The following PCSK9 variants were observed in gnomAD, a reference collection of about 807,000 sequenced individuals.
PCSK9 encodes the protein proprotein convertase subtilisin/kexin type 9.
A neutral mutation model predicts 62.1 loss-of-function variants in PCSK9; 57 were observed. That is an observed-to-expected ratio of 0.92 (90% confidence interval 0.74 to 1.14). PCSK9 has a LOEUF of 1.14. PCSK9 is among the 50% of genes most tolerant of loss of function. The pLI is 0.00. For missense variants in PCSK9, 870 were observed against 959.8 expected, an observed-to-expected ratio of 0.91 and a Z score of 1.24; for synonymous variants, 387 against 409.4, an observed-to-expected ratio of 0.95 and a Z score of 0.66.
chr1:55,040,551 CAG>C lies in PCSK9; in HGVS notation c.207+508_207+509del, dbSNP rs1644591657. 6.6e-6 allele frequency among the ~76,000 whole-genome samples: 1 copy of C among 152,016 alleles called. No individual in the cohort carries two copies. Among genetic ancestry groups the C allele is most frequent in the African/African-American group, 2.4e-5 (1 of 41,392 alleles). ...CCTGGAGAGAAGGCCCTACCCGAGACAGGGGCGGGGTGGGAAGGACGGCAGAT... is the reference window on the plus strand; with the variant it reads ...CCTGGAGAGAAGGCCCTACCCGAGACGGGCGGGGTGGGAAGGACGGCAGAT... On this transcript the variant is annotated intron_variant, in intron 1 of 11. Coordinates refer to ENST00000302118, the MANE Select transcript of PCSK9 (RefSeq NM_174936.4). This position sits in a 1 kb window ranked among gnomAD's most constrained non-coding sequence, Gnocchi z 4.1.
chr1:55,061,597 G>A, intron 11 of PCSK9, 41 bp downstream of exon 11: 1 of 1,555,990 alleles, frequency 6.4e-7, no homozygotes, highest in Non-Finnish European at 8.7e-7. Flanking sequence ...GGTGCTGCGT[G>A]TCTCTCCTGC....
rs1258782954 is a variant in PCSK9, at chr1:55,043,717, C to T, written c.208-126C>T. ...CTTTTTGGTCCGCATTTGGTAACTT[C>T]TTTATCATCTACTATACTCTGTTGT... is the stretch of plus-strand genomic sequence containing the variant. On this transcript the variant is annotated intron_variant, in intron 1 of 11. Transcript: ENST00000302118. 5 of 1,179,292 alleles carry T rather than the reference C, an allele frequency of 4.2e-6. No individual in the cohort carries two copies. The East Asian group carries it at 1.3e-4, about 30-fold the overall frequency. 73.1% of individuals were successfully genotyped at this position (1,179,292 alleles called of 1,614,324 possible). A position where few individuals can be genotyped will look rare whatever the true frequency, so the allele number is the denominator to read the frequency against.
In PCSK9 at chr1:55,063,645, G is replaced by C; in HGVS notation, c.*61G>C. On this transcript the variant is annotated 3_prime_UTR_variant, in exon 12 of 12. Coordinates refer to ENST00000302118, the MANE Select transcript of PCSK9 (RefSeq NM_174936.4). ...AAGGGCTGGGGCTGAGCTTTAAAAT[G>C]GTTCCGACTTGTCCCTCTCTCAGCC... 5 of 1,535,814 alleles carry C rather than the reference G, an allele frequency of 3.3e-6. No homozygotes were observed. Among genetic ancestry groups the C allele is most frequent in the Non-Finnish European group, 1.8e-6 (2 of 1,135,052 alleles).
In PCSK9 at chr1:55,051,301, G is replaced by A. The variant is rs1188571099; in HGVS notation, c.524-977G>A. On this transcript the variant is annotated intron_variant, in intron 3 of 11. Coordinates refer to ENST00000302118, the MANE Select transcript of PCSK9 (RefSeq NM_174936.4). ...AGTTTGACTGACAGCCCAGAGGGCT[G>A]CCCTCTGATTCCACCTGAGGCCCTG... 12 of 428,868 alleles carry A rather than the reference G, an allele frequency of 2.8e-5. No homozygotes were observed. The East Asian group carries it at 7.9e-4, about 28-fold the overall frequency. The allele number at this position is 428,868 out of a possible 1,614,324, so 26.6% of individuals were successfully genotyped here. A position where few individuals can be genotyped will look rare whatever the true frequency, so the allele number is the denominator to read the frequency against.
chr1:55,056,394 A>G (rs953527087), intron 6 of PCSK9, among the ~76,000 whole-genome samples: 3 of 152,024 alleles, frequency 2.0e-5, no homozygotes, highest in African/African-American at 4.8e-5. Flanking sequence ...CGAAACCTCC[A>G]TCATCGCAGA....
intron 3 of PCSK9, among the ~76,000 whole-genome samples, chr1:55,047,502 G>A (rs1309842771): frequency 2.0e-5 from 3 of 152,144 alleles, no homozygotes; most frequent in Non-Finnish European, 2.9e-5. Flanking sequence ...GAGCTTTGTC[G>A]TTCTTGTCTG....
Position 55,061,568 on chromosome 1 carries a change from C to T in PCSK9, c.1863+12C>T, listed in dbSNP as rs776658758. Reference sequence around the variant, plus strand: ...CCCCTCAGGAGCAGGTGAAGAGGCCCGTGAGGCCGGGTGGGTGGGGTGCTG... The same window carrying T: ...CCCCTCAGGAGCAGGTGAAGAGGCCTGTGAGGCCGGGTGGGTGGGGTGCTG... On this transcript the variant is annotated intron_variant, in intron 11 of 11. Coordinates refer to ENST00000302118, the MANE Select transcript of PCSK9 (RefSeq NM_174936.4). 29 of 1,583,518 alleles carry T rather than the reference C, an allele frequency of 1.8e-5. No homozygotes were observed. Among genetic ancestry groups the T allele is most frequent in the African/African-American group, 1.1e-4 (8 of 74,396 alleles).
rs1041064055 is a variant in PCSK9 at position 55,040,123 on chromosome 1, T to A, written c.207+79T>A. ...TGCTGTTTCCTCTCGGGCCTCAGTT[T>A]CCCCCCATGTAAGAGAGGAAGTGGA... is the stretch of plus-strand genomic sequence containing the variant. On this transcript the variant is annotated intron_variant, in intron 1 of 11. Transcript: ENST00000302118. The surrounding 1 kb of genome is among the most constrained non-coding windows in gnomAD (Gnocchi z 4.1). 2.0e-6 allele frequency: 3 copies of A among 1,499,780 alleles called. No homozygotes were observed. Among genetic ancestry groups the A allele is most frequent in the Admixed American group, 4.0e-5 (2 of 50,504 alleles). 92.9% of individuals were successfully genotyped at this position (1,499,780 alleles called of 1,614,324 possible).
rs1644733927 is a variant in PCSK9 at position 55,058,553 on chromosome 1, T to G, written c.1409T>G (p.Met470Arg). The G allele has an allele frequency of 6.2e-7, 1 of 1,612,020 alleles. No homozygotes were observed. Among genetic ancestry groups the G allele is most frequent in the African/African-American group, 1.3e-5 (1 of 74,850 alleles). The change falls in exon 9 of 12, where the codon ATG becomes AGG. Residue 470 changes from methionine to arginine, a missense_variant. Coordinates refer to ENST00000302118, the MANE Select transcript of PCSK9 (RefSeq NM_174936.4). ...VWSAHSGPTR[M>R]ATAVARCAPD... ...TCAGCACACTCGGGGCCTACACGGA[T>G]GGCCACAGCCGTCGCCCGCTGCGCC... is the stretch of plus-strand genomic sequence containing the variant.
In PCSK9 at chr1:55,056,206, C is replaced by T. The variant is rs894815360; in HGVS notation, c.996+17C>T. On this transcript the variant is annotated intron_variant, in intron 6 of 11. Coordinates refer to ENST00000302118, the MANE Select transcript of PCSK9 (RefSeq NM_174936.4). ...GCTCCCGAGGTAGGTGCTGGGGCTG[C>T]TGCCCCAAGGCGCGGGTAGGGGGCG... The T allele has an allele frequency of 2.0e-6, 2 of 994,402 alleles. No homozygotes were observed. The highest frequency in any genetic ancestry group is 2.4e-6 in the Non-Finnish European group (2 of 835,310). The allele number at this position is 994,402 out of a possible 1,614,324, so 61.6% of individuals were successfully genotyped here. A position where few individuals can be genotyped will look rare whatever the true frequency, so the allele number is the denominator to read the frequency against.
Position 55,046,527 on chromosome 1 carries a change from T to G in PCSK9, c.404T>G (p.Leu135Trp). The G allele has an allele frequency of 6.2e-7, 1 of 1,614,172 alleles. No individual in the cohort carries two copies. Among genetic ancestry groups the G allele is most frequent in the Non-Finnish European group, 8.5e-7 (1 of 1,180,042 alleles). The change falls in exon 3 of 12, where the codon TTG becomes TGG. Residue 135 changes from leucine to tryptophan, a missense_variant. By Grantham distance (61) the Leu-to-Trp change is moderately conservative. Coordinates refer to ENST00000302118, the MANE Select transcript of PCSK9 (RefSeq NM_174936.4). ...CGGCCTCTCTGGCTTCTGCAGGCCT[T>G]GAAGTTGCCCCATGTCGACTACATC... ...KMSGDLLELA[L>W]KLPHVDYIEE...
chr1:55,052,469 G>A (rs1195699723), intron 4 of PCSK9, 58 bp downstream of exon 4: 2 of 1,612,318 alleles, frequency 1.2e-6, no homozygotes, highest in Non-Finnish European at 1.7e-6. Flanking sequence ...TCCTGGAGGT[G>A]GGTGGGGACT....
chr1:55,055,679 C>T (rs11808052), intron 5 of PCSK9, among the ~76,000 whole-genome samples: 5,555 of 152,276 alleles, frequency 0.036, 122 homozygotes, highest in Middle Eastern at 0.16. Context: ...TGTTGCAATA[C>T]TGAGTCCTAA....
chr1:55,060,796 C>T (rs28362274), intron 10 of PCSK9, among the ~76,000 whole-genome samples: 327 of 152,334 alleles, frequency 2.1e-3, no homozygotes, highest in African/African-American at 7.6e-3. Flanking sequence ...ACAACCCTAC[C>T]ATGTTCAGAG....
chr1:55,045,383 C>G (rs546354834), intron 2 of PCSK9, among the ~76,000 whole-genome samples: 6 of 152,268 alleles, frequency 3.9e-5, no homozygotes, highest in African/African-American at 1.4e-4. Context: ...ATCTGTAAAC[C>G]AGTTATAATA....
intron 3 of PCSK9, among the ~76,000 whole-genome samples, chr1:55,047,736 T>A (rs1311343256): frequency 1.3e-5 from 2 of 152,090 alleles, no homozygotes; most frequent in Non-Finnish European, 2.9e-5. Context: ...GTGGGGGACA[T>A]CCTCTGGCAA....
Position 55,046,303 on chromosome 1 carries a change from C to T in PCSK9, c.400-220C>T, listed in dbSNP as rs964418161. Among the ~76,000 whole-genome samples the T allele has an allele frequency of 6.6e-5, 10 of 152,280 alleles. No homozygotes were observed. In the East Asian group the frequency reaches 1.4e-3, roughly 21 times the overall value. On this transcript the variant is annotated intron_variant, in intron 2 of 11. Coordinates refer to ENST00000302118, the MANE Select transcript of PCSK9 (RefSeq NM_174936.4). The stretch of plus-strand genomic sequence containing the variant: ...CTAAAAGGAATCCTCTATGCCAGAC[C>T]GTGTTGCAGGGATATGGGAGTGCTG...
rs774501381 is a variant in PCSK9, at chr1:55,061,372, C to T, written c.1682-3C>T. 1 of 1,605,134 alleles carries T rather than the reference C, an allele frequency of 6.2e-7. No homozygotes were observed. The highest frequency in any genetic ancestry group is 1.1e-5 in the South Asian group (1 of 88,790). On this transcript the variant is annotated splice_polypyrimidine_tract_variant and splice_region_variant and intron_variant, in intron 10 of 11. Transcript: ENST00000302118. ...CATCTGAGCTGGCTTTCCTCTGCCC[C>T]AGGCTGCAGCTCCCACTGGGAGGTG...
At chr1:55,048,066 G>A (rs1302262780) in intron 3 of PCSK9, among the ~76,000 whole-genome samples, 1 of 152,178 alleles carries the variant, frequency 6.6e-6, no homozygotes, top group Non-Finnish European at 1.5e-5. Flanking sequence ...CACCCCCTCG[G>A]TTGGAACAAG....
Sources: gnomAD v4.1 joint callset for allele counts (sites outside exome capture counted in the v4.1 genomes callset) on GRCh38, gnomAD v4.1.1 for gene constraint, Gnocchi (gnomAD v3.1) non-coding constraint, MANE v1.5 for transcripts, NCBI Gene and HGNC (gene_info 2026-07-23, HGNC 2026-07-21) for gene names.